The following EPAS1 variants were observed in gnomAD, a reference collection of about 807,000 sequenced individuals.
The protein encoded by EPAS1 is endothelial PAS domain-containing protein 1.
In EPAS1, 23 loss-of-function variants were observed where a neutral mutation model predicts 87.9. The ratio of observed to expected loss-of-function variants is 0.26; its 90% CI spans 0.19 to 0.37. EPAS1 has a LOEUF of 0.37. EPAS1 is among the 10% of genes least tolerant of loss of function. The pLI, the probability that EPAS1 is intolerant of heterozygous loss-of-function variation, is 1.00. For synonymous variants in EPAS1, 508 were observed against 444.3 expected (o/e 1.14, Z -1.80); for missense variants, 1,138 against 1,120.7 (o/e 1.02, Z -0.22).
At chr2:46,344,372 C>T (rs1683973227) in intron 1 of EPAS1, among the ~76,000 whole-genome samples, 1 of 152,188 alleles carries the variant, frequency 6.6e-6, no homozygotes, top group Non-Finnish European at 1.5e-5. Context: ...ATTGCTTTTG[C>T]TTCAGGATGG....
chr2:46,365,126 A>C (rs1266176930), intron 6 of EPAS1, among the ~76,000 whole-genome samples: 1 of 152,230 alleles, frequency 6.6e-6, no homozygotes, highest in Non-Finnish European at 1.5e-5. Context: ...GATAGAGGCC[A>C]GGCCTTTCTA....
Position 46,382,577 on chromosome 2 carries a change from T to C in EPAS1, c.2440T>C (p.Ser814Pro). ...YATQYQDYSL[S>P]SAHKVSGMAS... ...CACCCAGTACCAGGACTACAGCCTG[T>C]CGTCAGCCCACAAGGTGTCAGGTGG... Residue 814 changes from serine to proline, a missense_variant, in exon 15 of 16, where the codon TCG (serine) becomes CCG (proline). Transcript: ENST00000263734. 1 of 1,614,132 alleles carries C rather than the reference T, an allele frequency of 6.2e-7. No homozygotes were observed. The highest frequency in any genetic ancestry group is 8.5e-7 in the Non-Finnish European group (1 of 1,180,042).
intron 13 of EPAS1, 76 bp from the exon 14 acceptor site, chr2:46,381,899 G>GGCCCCCCC: frequency 2.2e-6 from 3 of 1,346,832 alleles, no homozygotes; most frequent in Non-Finnish European, 3.1e-6. Flanking sequence ...CCTGTTCCAG[G>GGCCCCCCC]CCCACCCAAC....
intron 1 of EPAS1, among the ~76,000 whole-genome samples, chr2:46,317,071 C>T (rs1348706574): frequency 6.6e-6 from 1 of 152,210 alleles, no homozygotes; most frequent in Non-Finnish European, 1.5e-5. Flanking sequence ...CATCTTCAGG[C>T]TCCACTTCTA....
chr2:46,384,649 C>A lies in EPAS1; in HGVS notation c.2602C>A (p.Gln868Lys). ...AGGGGACCTCCTCAGAGCCCTGGAC[C>A]AGGCCACCTGAGCCAGGCCTTCTAC... ...QGGDLLRALD[Q>K]AT Residue 868 changes from glutamine (Q) to lysine (K), a missense_variant, in exon 16 of 16, where the codon CAG becomes AAG. Transcript: ENST00000263734. The A allele has an allele frequency of 1.2e-6, 2 of 1,613,786 alleles. No individual in the cohort carries two copies. Among genetic ancestry groups the A allele is most frequent in the Non-Finnish European group, 1.7e-6 (2 of 1,179,992 alleles).
At chr2:46,323,507 C>T (rs559451343) in intron 1 of EPAS1, among the ~76,000 whole-genome samples, 30 of 152,298 alleles carry the variant, frequency 2.0e-4, no homozygotes, top group African/African-American at 6.0e-4. Context: ...ATTTATCATA[C>T]GGAACTACAA....
In EPAS1 at chr2:46,378,019, G is replaced by T. The variant is rs1457723486; in HGVS notation, c.1375G>T (p.Val459Leu). ...SEAGSLPAFTVPQAAAPGSTT... is the reference protein window; with the variant it reads ...SEAGSLPAFTLPQAAAPGSTT... Reference sequence around the variant, plus strand: ...GGCTGGGAGCCTGCCTGCCTTCACCGTGCCCCAGGCAGCTGCCCCGGGCAG... The same window carrying T: ...GGCTGGGAGCCTGCCTGCCTTCACCTTGCCCCAGGCAGCTGCCCCGGGCAG... The change falls in exon 10 of 16, where the codon GTG (valine) becomes TTG (leucine). Residue 459 changes from valine (V) to leucine (L), a missense_variant. This residue lies in a region of EPAS1 where 284 missense variants were observed against 258.4 expected (regional missense o/e 1.10). Transcript: ENST00000263734. 1 of 1,602,192 alleles carries T rather than the reference G, an allele frequency of 6.2e-7. No individual in the cohort carries two copies. Among genetic ancestry groups the T allele is most frequent in the African/African-American group, 1.3e-5 (1 of 74,634 alleles).
At chr2:46,322,920 G>C (rs185536296) in intron 1 of EPAS1, among the ~76,000 whole-genome samples, 1 of 152,228 alleles carries the variant, frequency 6.6e-6, no homozygotes, top group African/African-American at 2.4e-5. Context: ...AAACCTACCC[G>C]TCAGTGGGAG....
At position 46,313,735 on chromosome 2, in the gene EPAS1, G is replaced by C. The variant is rs527396309; in HGVS notation, c.26+15798G>C. ...CAAAGTGCTGGGATTACAGGCATGAGCCACGGTGACCAGCCCCACATGTCA... is the reference window on the plus strand; with the variant it reads ...CAAAGTGCTGGGATTACAGGCATGACCCACGGTGACCAGCCCCACATGTCA... On this transcript the variant is annotated intron_variant, in intron 1 of 15. Coordinates refer to ENST00000263734, the MANE Select transcript of EPAS1 (RefSeq NM_001430.5). Among the ~76,000 whole-genome samples the C allele has an allele frequency of 4.3e-4, 66 of 152,282 alleles. 1 individual carries two copies. Among genetic ancestry groups the C allele is most frequent in the African/African-American group, 1.6e-3 (65 of 41,564 alleles).
At chr2:46,364,180 G>T (rs754549942) in intron 6 of EPAS1, among the ~76,000 whole-genome samples, 1 of 152,122 alleles carries the variant, frequency 6.6e-6, no homozygotes, top group Non-Finnish European at 1.5e-5. Flanking sequence ...ATGGGGTGAG[G>T]GGTTCTCCAT....
intron 1 of EPAS1, 110 bp downstream of exon 1, chr2:46,298,047 A>G (rs1234058060): frequency 2.9e-6 from 4 of 1,367,390 alleles, no homozygotes; most frequent in Non-Finnish European, 4.1e-6. Context: ...AGGTCTTCGG[A>G]GCTCGAGGCT....
chr2:46,378,675 T>C lies in EPAS1; in HGVS notation c.1462T>C (p.Tyr488His), dbSNP rs1210456029. 1.2e-6 allele frequency: 2 copies of C among 1,614,132 alleles called. No homozygotes were observed. Among genetic ancestry groups the C allele is most frequent in the Non-Finnish European group, 1.7e-6 (2 of 1,179,994 alleles). ...CCCCTAGCCCAATAGCCCTGAAGAC[T>C]ATTACACATCTTTGGATAACGACCT... ...SCSTPNSPED[Y>H]YTSLDNDLKI... is the part of the protein sequence containing the mutation. The change falls in exon 11 of 16, where the codon TAT (tyrosine) becomes CAT (histidine). Residue 488 changes from tyrosine to histidine, a missense_variant. Coordinates refer to ENST00000263734, the MANE Select transcript of EPAS1 (RefSeq NM_001430.5).
intron 1 of EPAS1, among the ~76,000 whole-genome samples, chr2:46,321,232 G>A (rs1445001765): frequency 1.3e-5 from 2 of 152,194 alleles, no homozygotes; most frequent in Non-Finnish European, 2.9e-5. Flanking sequence ...TTTTAAGGCC[G>A]AATAATATCC....
At chr2:46,316,503 T>G (rs1187576561) in intron 1 of EPAS1, among the ~76,000 whole-genome samples, 1 of 152,228 alleles carries the variant, frequency 6.6e-6, no homozygotes, top group Admixed American at 6.5e-5. Context: ...TCAAATGATC[T>G]GCCTGCCTCA....
In EPAS1 at chr2:46,317,267, G is replaced by T. The variant is rs150738177; in HGVS notation, c.26+19330G>T. 2.2e-3 allele frequency among the ~76,000 whole-genome samples: 336 copies of T among 152,250 alleles called. 3 individuals carry two copies. The highest frequency in any genetic ancestry group is 7.9e-3 in the African/African-American group (326 of 41,524). On this transcript the variant is annotated intron_variant, in intron 1 of 15. Transcript: ENST00000263734. ...TAGAATGGTGAACTCTTTTCAGGTG[G>T]TTTTCAATTTACTTTGCCCAGATTC... is the stretch of plus-strand genomic sequence containing the variant.
chr2:46,361,852 A>G (rs1684395420), intron 6 of EPAS1, among the ~76,000 whole-genome samples: 1 of 152,202 alleles, frequency 6.6e-6, no homozygotes, highest in Admixed American at 6.5e-5. Context: ...TGGGGTTGTC[A>G]TAGGAGGGAG....
intron 7 of EPAS1, among the ~76,000 whole-genome samples, chr2:46,373,190 T>G (rs1684664230): frequency 1.3e-5 from 2 of 152,126 alleles, no homozygotes; most frequent in Non-Finnish European, 2.9e-5. Flanking sequence ...GTTTAAAAGA[T>G]TAGACAAGAT....
intron 1 of EPAS1, among the ~76,000 whole-genome samples, chr2:46,298,521 G>GAACC (rs999136642): frequency 6.6e-6 from 1 of 152,250 alleles, no homozygotes; most frequent in Non-Finnish European, 1.5e-5. Flanking sequence ...GAAGGTTGGA[G>GAACC]AACCCACTTC....
chr2:46,347,050 G>T lies in EPAS1; in HGVS notation c.204G>T (p.Lys68Asn). The T allele has an allele frequency of 6.2e-7, 1 of 1,614,212 alleles. No individual in the cohort carries two copies. Among genetic ancestry groups the T allele is most frequent in the Non-Finnish European group, 8.5e-7 (1 of 1,180,034 alleles). ...RLAISFLRTH[K>N]LLSSVCSENE... ...CAATCAGCTTCCTGCGAACACACAA[G>T]CTCCTCTCCTCAGGTAAGGCCAGCA... The change falls in exon 2 of 16, where the codon AAG (lysine) becomes AAT (asparagine). Residue 68 changes from lysine (K) to asparagine (N), a missense_variant. This residue lies in a region of EPAS1 where 351 missense variants were observed against 417.1 expected (regional missense o/e 0.84). Coordinates refer to ENST00000263734, the MANE Select transcript of EPAS1 (RefSeq NM_001430.5). This position sits in a 1 kb window ranked among gnomAD's most constrained non-coding sequence, Gnocchi z 4.2.
Sources: allele counts gnomAD v4.1 joint callset (sites outside exome capture counted in the v4.1 genomes callset), GRCh38; gene constraint gnomAD v4.1.1; regional missense constraint gnomAD v4.1.1; non-coding constraint Gnocchi (gnomAD v3.1); transcripts MANE v1.5; gene names NCBI Gene and HGNC (gene_info 2026-07-23, HGNC 2026-07-21).